The following KIF24 variants were observed in gnomAD, a reference collection of about 807,000 sequenced individuals.
The protein encoded by KIF24 is kinesin-like protein KIF24.
Under a neutral mutation model 118.9 loss-of-function variants are expected in KIF24, and 81 were observed. The observed-to-expected ratio is 0.68, with a 90% CI of 0.57 to 0.82. KIF24 has a LOEUF of 0.82. Among genes scored for constraint, KIF24 ranks in the 40% least tolerant of loss-of-function variants. The pLI is 0.00. For missense variants in KIF24, 1,560 were observed against 1,661.6 expected (o/e 0.94, Z 1.06); for synonymous variants, 599 against 610.0 (o/e 0.98, Z 0.27).
At chr9:34,317,269 A>C (rs889350071) in intron 1 of KIF24, among the ~76,000 whole-genome samples, 3 of 151,932 alleles carry the variant, frequency 2.0e-5, no homozygotes, top group African/African-American at 7.3e-5. Flanking sequence ...ACGCGCCTGT[A>C]ATCCCAGCTA....
At chr9:34,312,185 T>A (rs760484666) in intron 1 of KIF24, among the ~76,000 whole-genome samples, 20 of 152,184 alleles carry the variant, frequency 1.3e-4, no homozygotes, top group Middle Eastern at 3.2e-3. Flanking sequence ...GGATTTCAGA[T>A]CATTCCAAAA....
intron 4 of KIF24, among the ~76,000 whole-genome samples, chr9:34,291,898 C>T (rs1418901635): frequency 1.3e-5 from 2 of 152,136 alleles, no homozygotes; most frequent in Non-Finnish European, 2.9e-5. Flanking sequence ...CGCAAACCTG[C>T]CTCCCATTTG....
At chr9:34,287,761 T>A (rs1836102845) in intron 5 of KIF24, among the ~76,000 whole-genome samples, 1 of 152,016 alleles carries the variant, frequency 6.6e-6, no homozygotes, top group African/African-American at 2.4e-5. Flanking sequence ...TTGGATGCAG[T>A]GGTGTGTGTC....
upstream of KIF24, among the ~76,000 whole-genome samples, chr9:34,333,416 C>T (rs2131853577): frequency 6.6e-6 from 1 of 152,042 alleles, no homozygotes; most frequent in East Asian, 1.9e-4. Context: ...CACTTAAGGC[C>T]AGGAGTTCAA....
chr9:34,319,598 G>A, intron 1 of KIF24: 2 of 948,232 alleles, frequency 2.1e-6, no homozygotes, highest in Non-Finnish European at 3.4e-6. Context: ...GCGGCTCCCT[G>A]CTGTTCACTG....
In KIF24 at chr9:34,288,803, G is replaced by A. The variant is rs578163283; in HGVS notation, c.1127+1371C>T. ...TCTGGGCAATTCATTAAAGAAATGC[G>A]TTCAGAAAGAGCTAGATATCCTAAC... On this transcript the variant is annotated intron_variant, in intron 5 of 12. Coordinates refer to ENST00000402558, the MANE Select transcript of KIF24 (RefSeq NM_194313.4). 8.0e-5 allele frequency among the ~76,000 whole-genome samples: 12 copies of A among 150,390 alleles called. 1 individual carries two copies. The highest frequency in any genetic ancestry group is 4.2e-4 in the South Asian group (2 of 4,764).
At chr9:34,290,563 GA>G (rs1310281941) in intron 4 of KIF24, among the ~76,000 whole-genome samples, 174 bp from the exon 5 acceptor site, 1 of 147,564 alleles carries the variant, frequency 6.8e-6, no homozygotes, top group Non-Finnish European at 1.5e-5. Context: ...ACAGGAAGAG[GA>G]AAAAAAATTC....
At chr9:34,328,904 A>G (rs1477114794) in intron 1 of KIF24, among the ~76,000 whole-genome samples, 2 of 152,228 alleles carry the variant, frequency 1.3e-5, no homozygotes, top group African/African-American at 2.4e-5. Flanking sequence ...ATAATTGCTG[A>G]AGAAAAGGCA....
upstream of KIF24, among the ~76,000 whole-genome samples, chr9:34,329,306 G>T (rs1180175584): frequency 2.0e-5 from 3 of 152,236 alleles, no homozygotes; most frequent in South Asian, 2.1e-4. Flanking sequence ...GTCCCGCACC[G>T]CCCACCAATG....
intron 6 of KIF24, among the ~76,000 whole-genome samples, chr9:34,283,773 T>TA (rs1455229120): frequency 2.0e-5 from 3 of 152,104 alleles, no homozygotes; most frequent in Non-Finnish European, 4.4e-5. Flanking sequence ...AATTACAAGT[T>TA]AAAAATATGA....
rs1834981484 is a variant in KIF24 at position 34,259,624 on chromosome 9, T to C, written c.1597A>G (p.Thr533Ala). 1.2e-6 allele frequency: 2 copies of C among 1,613,738 alleles called. No homozygotes were observed. Among genetic ancestry groups the C allele is most frequent in the South Asian group, 1.1e-5 (1 of 91,068 alleles). Residue 533 changes from threonine to alanine, a missense_variant, in exon 10 of 13, where the codon ACT becomes GCT. Thr to Ala is a moderately conservative substitution (Grantham distance 58). Coordinates refer to ENST00000402558, the MANE Select transcript of KIF24 (RefSeq NM_194313.4). ...TCAGCATAGCGCAAGGTGTTGAGAG[T>C]GTGTTCAGTGGCCACGTGGCTTGGT... ...ISPSHVATEHTLNTLRYADRV... is the reference protein window; with the variant it reads ...ISPSHVATEHALNTLRYADRV...
At chr9:34,279,050 C>T (rs1013288968) in intron 6 of KIF24, among the ~76,000 whole-genome samples, 2 of 152,070 alleles carry the variant, frequency 1.3e-5, no homozygotes, top group African/African-American at 4.8e-5. Context: ...GTTGCAGTGA[C>T]CCGTGATTGC....
In KIF24 at chr9:34,273,159, G is replaced by C. The variant is rs148867693; in HGVS notation, c.1216-1229C>G. Among the ~76,000 whole-genome samples the C allele has an allele frequency of 5.7e-3, 869 of 151,818 alleles. 4 individuals are homozygous for C. The highest frequency in any genetic ancestry group is 0.02 in the Middle Eastern group (6 of 294). On this transcript the variant is annotated intron_variant, in intron 6 of 12. Coordinates refer to ENST00000402558, the MANE Select transcript of KIF24 (RefSeq NM_194313.4). ...CTTTTAAAGCCAGTAAAAGAAAAGG[G>C]GGTAGCAGTGGACAATGTATTTTTT...
At chr9:34,297,679 G>A (rs890564190) in intron 3 of KIF24, among the ~76,000 whole-genome samples, 10 of 151,586 alleles carry the variant, frequency 6.6e-5, no homozygotes, top group Admixed American at 5.9e-4. Flanking sequence ...GGAGAATGGC[G>A]TGAACCCAGG....
chr9:34,319,154 G>A lies in KIF24; in HGVS notation c.-25-7783C>T, dbSNP rs925809892. ...CTACAACTACTATGACAATGAGAAG[G>A]AAAAGCTGCAAATCGTGGAGATGCC... On this transcript the variant is annotated intron_variant, in intron 1 of 12. Transcript: ENST00000402558. The A allele has an allele frequency of 6.9e-6, 11 of 1,595,604 alleles. No individual in the cohort carries two copies. In the African/African-American group the frequency reaches 1.3e-4, roughly 19 times the overall value.
intron 6 of KIF24, among the ~76,000 whole-genome samples, chr9:34,278,964 G>A (rs902952935): frequency 1.3e-5 from 2 of 152,130 alleles, no homozygotes; most frequent in African/African-American, 4.8e-5. Context: ...CATTAGCCAG[G>A]TGTAGTGGTG....
chr9:34,310,806 G>C lies in KIF24; in HGVS notation c.541C>G (p.Leu181Val), dbSNP rs1389587732. 1 of 1,612,768 alleles carries C rather than the reference G, an allele frequency of 6.2e-7. No individual in the cohort carries two copies. The highest frequency in any genetic ancestry group is 8.5e-7 in the Non-Finnish European group (1 of 1,178,752). Residue 181 changes from leucine to valine, a missense_variant, in exon 2 of 13, where the codon CTG becomes GTG. By Grantham distance (32) the Leu-to-Val change is conservative. Transcript: ENST00000402558. ...ATAATGGGAATATCACAATCCCCCAGTATTGCAGAAAGGTAATTTGGTGAA... is the reference window on the plus strand; with the variant it reads ...ATAATGGGAATATCACAATCCCCCACTATTGCAGAAAGGTAATTTGGTGAA... The part of the protein sequence containing the change: ...LFSPNYLSAI[L>V]GDCDIPIIQR...
rs1294415666 is a variant in KIF24, at chr9:34,255,985, G to A, written c.3622C>T (p.Pro1208Ser). 6.2e-7 allele frequency: 1 copy of A among 1,613,870 alleles called. No homozygotes were observed. The highest frequency in any genetic ancestry group is 8.5e-7 in the Non-Finnish European group (1 of 1,179,888). Residue 1208 changes from proline (P) to serine (S), a missense_variant, in exon 11 of 13, where the codon CCA (proline) becomes TCA (serine). Pro to Ser is a moderately conservative substitution (Grantham distance 74). Transcript: ENST00000402558. Reference sequence around the variant, plus strand: ...GCCACATCACTACTTCCTGTTCGTGGGGTGAGTGTAGGTCCAGAATGGGGT... The same window carrying A: ...GCCACATCACTACTTCCTGTTCGTGAGGTGAGTGTAGGTCCAGAATGGGGT... ...GVPHSGPTLT[P>S]RTGSSDVADQ...
chr9:34,256,692 T>G lies in KIF24; in HGVS notation c.2915A>C (p.Glu972Ala). ...KDASQSEVSG[E>A]NEGNLPSPEE... The stretch of plus-strand genomic sequence containing the variant: ...TGGGGATGGCAAGTTGCCCTCATTC[T>G]CCCCAGAAACCTCACTTTGGGAGGC... Residue 972 changes from glutamate to alanine, a missense_variant, in exon 11 of 13, where the codon GAG (glutamate) becomes GCG (alanine). This residue lies in a region of KIF24 where 591 missense variants were observed against 655.6 expected (regional missense o/e 0.90). Transcript: ENST00000402558. The G allele has an allele frequency of 6.2e-7, 1 of 1,613,898 alleles. No individual in the cohort carries two copies. The highest frequency in any genetic ancestry group is 2.2e-5 in the East Asian group (1 of 44,866).
Sources: gnomAD v4.1 joint callset for allele counts (sites outside exome capture counted in the v4.1 genomes callset) on GRCh38, gnomAD v4.1.1 for gene constraint, gnomAD v4.1.1 regional missense constraint, MANE v1.5 for transcripts, NCBI Gene and HGNC (gene_info 2026-07-23, HGNC 2026-07-21) for gene names.